The following RANBP2 variants were observed in gnomAD, a reference collection of about 807,000 sequenced individuals.
The protein encoded by RANBP2 is E3 SUMO-protein ligase RanBP2.
In RANBP2, 57 loss-of-function variants were observed where a neutral mutation model predicts 303.6. The observed-to-expected ratio is 0.19, with a 90% CI of 0.15 to 0.23. The LOEUF (loss-of-function observed/expected upper bound fraction) is 0.23, where lower values mean the gene tolerates loss of function less well. RANBP2 is among the 10% of genes least tolerant of loss of function. The probability of loss-of-function intolerance (pLI) is 1.00; values close to 1 mark genes in which losing one functional copy is unlikely to be tolerated. For synonymous variants in RANBP2, 1,167 were observed against 1,301.5 expected (o/e 0.90, Z 2.23); for missense variants, 3,138 against 3,780.8 (o/e 0.83, Z 4.46).
chr2:108,849,335 A>G, the RANBP2 span, among the ~76,000 whole-genome samples: 2 of 152,222 alleles, frequency 1.3e-5, no homozygotes, highest in Non-Finnish European at 2.9e-5. Flanking sequence ...GGTGAAAACT[A>G]TAAACACACA....
chr2:109,006,885 G>A, the RANBP2 span, among the ~76,000 whole-genome samples: 1 of 152,132 alleles, frequency 6.6e-6, no homozygotes, highest in Admixed American at 6.5e-5. Context: ...TGAGGAAGAC[G>A]GGTTATGAGT....
chr2:109,085,797 G>A, the RANBP2 span, among the ~76,000 whole-genome samples: 5 of 151,614 alleles, frequency 3.3e-5, no homozygotes, highest in African/African-American at 1.2e-4. Flanking sequence ...TAGAGACAGA[G>A]TTTCACCATG....
At chr2:109,343,744 CTTT>C in the RANBP2 span, among the ~76,000 whole-genome samples, 1 of 143,788 alleles carries the variant, frequency 7.0e-6, no homozygotes, top group African/African-American at 2.6e-5. Flanking sequence ...CCCTGGTTTC[CTTT>C]TTTTTTTTTT....
At chr2:108,916,585 G>A in the RANBP2 span, among the ~76,000 whole-genome samples, 869 of 152,302 alleles carry the variant, frequency 5.7e-3, 10 homozygotes, top group African/African-American at 0.02. Context: ...ACCTCCAGCT[G>A]GCACCAACTA....
the RANBP2 span, among the ~76,000 whole-genome samples, chr2:109,086,852 C>T: frequency 1.3e-5 from 2 of 152,168 alleles, no homozygotes; most frequent in Non-Finnish European, 2.9e-5. Context: ...TCCCCAAGCC[C>T]ACATCATCTT....
Position 108,765,365 on chromosome 2 carries a change from A to C in RANBP2, c.4826A>C (p.Gln1609Pro). ...FEGMFTKKEG[Q>P]WDCSVCLVRN... ...GGAATGTTCACTAAGAAGGAGGGAC[A>C]GTGGGATTGCAGTGTGTGCTTAGTA... The change falls in exon 20 of 29, where the codon CAG becomes CCG. Residue 1609 changes from glutamine to proline, a missense_variant. Coordinates refer to ENST00000283195, the MANE Select transcript of RANBP2 (RefSeq NM_006267.5). 8.0e-7 allele frequency: 1 copy of C among 1,252,330 alleles called. No homozygotes were observed. Among genetic ancestry groups the C allele is most frequent in the Non-Finnish European group, 1.2e-6 (1 of 850,540 alleles). 77.6% of individuals were successfully genotyped at this position (1,252,330 alleles called of 1,614,324 possible).
chr2:109,164,327 C>A, the RANBP2 span, among the ~76,000 whole-genome samples: 16 of 152,158 alleles, frequency 1.1e-4, no homozygotes, highest in African/African-American at 3.9e-4. Context: ...AGGACTACAG[C>A]ACAGGCTGCA....
At chr2:109,180,458 C>T in the RANBP2 span, among the ~76,000 whole-genome samples, 1 of 152,140 alleles carries the variant, frequency 6.6e-6, no homozygotes, top group African/African-American at 2.4e-5. Flanking sequence ...CTTCCCCTGG[C>T]CCAGTGATAT....
At chr2:109,256,712 G>A in the RANBP2 span, among the ~76,000 whole-genome samples, 1 of 152,194 alleles carries the variant, frequency 6.6e-6, no homozygotes, top group Admixed American at 6.5e-5. Flanking sequence ...TCCTTGTGTG[G>A]AGTTAACTTT....
At chr2:109,486,830 G>A in the RANBP2 span, among the ~76,000 whole-genome samples, 1,822 of 152,302 alleles carry the variant, frequency 0.012, 40 homozygotes, top group African/African-American at 0.042. Flanking sequence ...TCACTTCCAT[G>A]GAGGAAGGAC....
chr2:109,484,118 G>C, the RANBP2 span, among the ~76,000 whole-genome samples: 1 of 149,804 alleles, frequency 6.7e-6, no homozygotes, highest in Admixed American at 6.7e-5. Flanking sequence ...TCCTAGGCTG[G>C]AGTGCAGTGG....
Position 108,753,856 on chromosome 2 carries a change from A to G in RANBP2, c.2087A>G (p.Asn696Ser). Residue 696 changes from asparagine to serine, a missense_variant, in exon 15 of 29, where the codon AAT becomes AGT. By Grantham distance (46) the Asn-to-Ser change is conservative. Transcript: ENST00000283195. Reference sequence around the variant, plus strand: ...CACAGGAAGGCAGAAGACATTGAAAATGATGCCCTTTCTCCTGAAGAACAA... The same window carrying G: ...CACAGGAAGGCAGAAGACATTGAAAGTGATGCCCTTTCTCCTGAAGAACAA... ...IFHRKAEDIE[N>S]DALSPEEQEE... The G allele has an allele frequency of 6.2e-7, 1 of 1,612,040 alleles. No homozygotes were observed. Among genetic ancestry groups the G allele is most frequent in the Non-Finnish European group, 8.5e-7 (1 of 1,179,856 alleles).
the RANBP2 span, among the ~76,000 whole-genome samples, chr2:109,181,832 T>C: frequency 6.6e-6 from 1 of 152,024 alleles, no homozygotes; most frequent in Non-Finnish European, 1.5e-5. Context: ...CATTTTTCCA[T>C]GACCTACACC....
At chr2:109,386,561 G>A in the RANBP2 span, among the ~76,000 whole-genome samples, 2 of 152,254 alleles carry the variant, frequency 1.3e-5, no homozygotes, top group Admixed American at 1.3e-4. Flanking sequence ...CGGCCCTTGA[G>A]TGTGAGTCCT....
At chr2:109,431,219 A>G in the RANBP2 span, among the ~76,000 whole-genome samples, 1 of 152,176 alleles carries the variant, frequency 6.6e-6, no homozygotes, top group African/African-American at 2.4e-5. Flanking sequence ...CTGTGTGCAC[A>G]AGCCGCTGGA....
At chr2:108,748,242 C>G (rs888408867) in intron 8 of RANBP2, among the ~76,000 whole-genome samples, 34 of 150,762 alleles carry the variant, frequency 2.3e-4, no homozygotes, top group Middle Eastern at 6.8e-3. Context: ...GAGTCTTACT[C>G]TGTCGCCCGG....
At chr2:109,360,612 A>T in the RANBP2 span, among the ~76,000 whole-genome samples, 2 of 152,240 alleles carry the variant, frequency 1.3e-5, no homozygotes, top group African/African-American at 4.8e-5. Flanking sequence ...AGCATTTCAA[A>T]TAAAAGATAC....
At chr2:109,350,641 T>G in the RANBP2 span, among the ~76,000 whole-genome samples, 1 of 152,220 alleles carries the variant, frequency 6.6e-6, no homozygotes, top group African/African-American at 2.4e-5. Context: ...CATGTGACTC[T>G]CCGCTCAGTT....
In RANBP2 at chr2:108,765,016, G is replaced by C. The variant is rs751114328; in HGVS notation, c.4477G>C (p.Glu1493Gln). Residue 1493 changes from glutamate (E) to glutamine (Q), a missense_variant, in exon 20 of 29, where the codon GAG (glutamate) becomes CAG (glutamine). Around this residue, in one of 20 missense-constraint regions of RANBP2, gnomAD observed 388 missense variants for 328.5 expected, o/e 1.18. Coordinates refer to ENST00000283195, the MANE Select transcript of RANBP2 (RefSeq NM_006267.5). The part of the protein sequence containing the change: ...WDCSACLVQN[E>Q]GSSTKCAACQ... ...TTGCAGTGCATGTTTGGTACAAAAT[G>C]AGGGGAGCTCTACAAAATGTGCTGC... 2 of 1,614,030 alleles carry C rather than the reference G, an allele frequency of 1.2e-6. No homozygotes were observed. Among genetic ancestry groups the C allele is most frequent in the East Asian group, 2.2e-5 (1 of 44,872 alleles).
Sources: gnomAD v4.1 joint callset for allele counts (sites outside exome capture counted in the v4.1 genomes callset) on GRCh38, gnomAD v4.1.1 for gene constraint, gnomAD v4.1.1 regional missense constraint, MANE v1.5 for transcripts, NCBI Gene and HGNC (gene_info 2026-07-23, HGNC 2026-07-21) for gene names.